NPEPPS: variants seen among roughly 807,000 people sequenced by gnomAD.
NPEPPS encodes puromycin-sensitive aminopeptidase.
Under a neutral mutation model 115.5 loss-of-function variants are expected in NPEPPS, and 14 were observed. That is an observed-to-expected ratio of 0.12 (90% CI 0.08 to 0.19). NPEPPS has a LOEUF of 0.19. Ranked by LOEUF, NPEPPS falls within the 10% of genes least tolerant of loss-of-function variation. The pLI, the probability that NPEPPS is intolerant of heterozygous loss-of-function variation, is 1.00. For synonymous variants in NPEPPS, 285 were observed against 390.6 expected (o/e 0.73, Z 3.19); for missense variants, 523 against 1,110.8 (o/e 0.47, Z 7.52).
intron 13 of NPEPPS, among the ~76,000 whole-genome samples, chr17:47,596,929 T>G (rs1277330780): frequency 6.6e-6 from 1 of 151,838 alleles, no homozygotes; most frequent in Non-Finnish European, 1.5e-5. Context: ...ACACCTGTAA[T>G]CCCAGCTACT....
In NPEPPS at chr17:47,601,643, A is replaced by G. The variant is rs917855351; in HGVS notation, c.1636A>G (p.Ile546Val). Residue 546 changes from isoleucine to valine, a missense_variant, in exon 15 of 23, where the codon ATC (isoleucine) becomes GTC (valine). Physicochemically the swap from Ile to Val is conservative, Grantham distance 29. Transcript: ENST00000322157. ...DCPQWMVPIT[I>V]STSEDPNQAK... ...TCCCCAGTGGATGGTCCCTATCACA[A>G]TCTCTACTAGTGAAGACCCCAACCA... is the stretch of plus-strand genomic sequence containing the variant. 9 of 1,612,534 alleles carry G rather than the reference A, an allele frequency of 5.6e-6. No homozygotes were observed. Among genetic ancestry groups the G allele is most frequent in the African/African-American group, 4.0e-5 (3 of 74,782 alleles).
intron 2 of NPEPPS, among the ~76,000 whole-genome samples, chr17:47,564,312 G>T (rs1238966460): frequency 1.3e-5 from 2 of 152,140 alleles, no homozygotes; most frequent in Non-Finnish European, 2.9e-5. Flanking sequence ...AGGATTGCCA[G>T]TGCTTGAGCC....
chr17:47,558,895 AT>A (rs1910243027), intron 2 of NPEPPS, among the ~76,000 whole-genome samples: 2 of 152,164 alleles, frequency 1.3e-5, no homozygotes, highest in South Asian at 4.2e-4. Flanking sequence ...TTAGCCGGGC[AT>A]GGTGGCGCAT....
intron 1 of NPEPPS, among the ~76,000 whole-genome samples, chr17:47,543,620 C>T (rs1168545045): frequency 1.3e-5 from 2 of 151,754 alleles, no homozygotes; most frequent in Non-Finnish European, 2.9e-5. Flanking sequence ...AGCCACTGTG[C>T]CTGGCCAGGA....
chr17:47,549,496 G>A (rs1490014871), intron 2 of NPEPPS, among the ~76,000 whole-genome samples: 4 of 151,830 alleles, frequency 2.6e-5, no homozygotes, highest in South Asian at 2.1e-4. Context: ...TGAACTGGGG[G>A]CAGCCAGGTG....
Position 47,596,457 on chromosome 17 carries a change from G to A in NPEPPS, c.1531G>A (p.Glu511Lys), listed in dbSNP as rs1421884305. 3.2e-6 allele frequency: 5 copies of A among 1,558,424 alleles called. No homozygotes were observed. Among genetic ancestry groups the A allele is most frequent in the Middle Eastern group, 3.3e-4 (2 of 6,002 alleles). ...ATTTCCCCTCATTTATGTGGAAGCT[G>A]AACAGGTAAACATATAAAGTCTTTC... ...MGFPLIYVEA[E>K]QVEDDRLLRL... is the part of the protein sequence containing the mutation. Residue 511 changes from glutamate to lysine, a missense_variant, in exon 13 of 23, where the codon GAA (glutamate) becomes AAA (lysine). Glu to Lys is a moderately conservative substitution (Grantham distance 56). This residue lies in a region of NPEPPS where 372 missense variants were observed against 542.6 expected (regional missense o/e 0.69). Coordinates refer to ENST00000322157, the MANE Select transcript of NPEPPS (RefSeq NM_006310.4).
Position 47,554,740 on chromosome 17 carries a change from T to G in NPEPPS, c.340+8747T>G, listed in dbSNP as rs534283722. Among the ~76,000 whole-genome samples the G allele has an allele frequency of 2.5e-3, 377 of 152,306 alleles. 3 individuals carry two copies. Among genetic ancestry groups the G allele is most frequent in the African/African-American group, 8.7e-3 (363 of 41,562 alleles). On this transcript the variant is annotated intron_variant, in intron 2 of 22. Coordinates refer to ENST00000322157, the MANE Select transcript of NPEPPS (RefSeq NM_006310.4). ...CTGCTAGCATCACTACTCTTGTGCT[T>G]TGAGGCCATTATTAAGTACAATAAA...
chr17:47,549,427 G>A (rs1350451732), intron 2 of NPEPPS, among the ~76,000 whole-genome samples: 2 of 152,088 alleles, frequency 1.3e-5, no homozygotes, highest in African/African-American at 4.8e-5. Context: ...GAAGTCATGT[G>A]TAAGCCCACG....
At chr17:47,580,983 G>C (rs1334837832) in intron 4 of NPEPPS, 1 of 152,162 alleles carries the variant, frequency 6.6e-6, no homozygotes, top group East Asian at 1.9e-4. Context: ...GGAGACACCA[G>C]TGGTTCCCTA....
At chr17:47,618,939 T>G (rs1914371785) in intron 20 of NPEPPS, 70 bp from the exon 21 acceptor site, 1 of 1,387,068 alleles carries the variant, frequency 7.2e-7, no homozygotes, top group Non-Finnish European at 1.0e-6. Context: ...AGTGTCACAG[T>G]ATGGTGCACT....
chr17:47,549,780 CAAAA>C (rs34434179), intron 2 of NPEPPS, among the ~76,000 whole-genome samples: 1 of 43,376 alleles, frequency 2.3e-5, no homozygotes, highest in African/African-American at 8.7e-5. Flanking sequence ...GACTCTGTCT[CAAAA>C]AAAAAAAAAA....
chr17:47,605,326 A>T lies in NPEPPS; in HGVS notation c.1876-7A>T, dbSNP rs1597883581. ...ACTAGGTTAATTTATGTTTTTTCCTATCCCAGGCTCGAGCTGGAATCATTA... is the reference window on the plus strand; with the variant it reads ...ACTAGGTTAATTTATGTTTTTTCCTTTCCCAGGCTCGAGCTGGAATCATTA... On this transcript the variant is annotated splice_region_variant and splice_polypyrimidine_tract_variant and intron_variant, in intron 16 of 22. Coordinates refer to ENST00000322157, the MANE Select transcript of NPEPPS (RefSeq NM_006310.4). The T allele has an allele frequency of 6.3e-6, 10 of 1,581,624 alleles. No individual in the cohort carries two copies. The highest frequency in any genetic ancestry group is 8.6e-6 in the Non-Finnish European group (10 of 1,166,024).
At chr17:47,533,274 A>G (rs1907956807) in intron 1 of NPEPPS, among the ~76,000 whole-genome samples, 1 of 152,068 alleles carries the variant, frequency 6.6e-6, no homozygotes, top group Non-Finnish European at 1.5e-5. Flanking sequence ...GGTGATTTAA[A>G]ATTTTTCCAT....
upstream of NPEPPS, among the ~76,000 whole-genome samples, chr17:47,528,089 G>A: frequency 6.6e-6 from 1 of 151,472 alleles, no homozygotes; most frequent in East Asian, 2.0e-4. Flanking sequence ...ATCACCTGAG[G>A]TAAGGAGTTT....
chr17:47,616,042 T>G (rs1165261492), intron 19 of NPEPPS, among the ~76,000 whole-genome samples: 2 of 152,174 alleles, frequency 1.3e-5, no homozygotes, highest in Non-Finnish European at 2.9e-5. Context: ...CAGTTCTCTA[T>G]GGAGGAAAAC....
chr17:47,618,520 G>C (rs1914351475), intron 20 of NPEPPS, 63 bp downstream of exon 20: 1 of 1,135,112 alleles, frequency 8.8e-7, no homozygotes, highest in African/African-American at 1.5e-5. Context: ...AAGTGTCTCT[G>C]ATTCAGCTCT....
chr17:47,552,735 T>C (rs1419952866), intron 2 of NPEPPS, among the ~76,000 whole-genome samples: 1 of 152,192 alleles, frequency 6.6e-6, no homozygotes, highest in Non-Finnish European at 1.5e-5. Flanking sequence ...TTATCTTCTT[T>C]TTAACCTCCA....
intron 2 of NPEPPS, among the ~76,000 whole-genome samples, chr17:47,555,441 G>T (rs904131559): frequency 6.6e-6 from 1 of 150,588 alleles, no homozygotes; most frequent in African/African-American, 2.4e-5. Flanking sequence ...TCAGCCTCCC[G>T]GGTTCAAGTG....
At chr17:47,575,115 A>G (rs572139845) in intron 3 of NPEPPS, among the ~76,000 whole-genome samples, 1 of 152,342 alleles carries the variant, frequency 6.6e-6, no homozygotes, top group East Asian at 1.9e-4. Flanking sequence ...GTACATTTAC[A>G]TAATTTGAAA....
Sources: gnomAD v4.1 joint callset for allele counts (sites outside exome capture counted in the v4.1 genomes callset) on GRCh38, gnomAD v4.1.1 for gene constraint, gnomAD v4.1.1 regional missense constraint, MANE v1.5 for transcripts, NCBI Gene and HGNC (gene_info 2026-07-23, HGNC 2026-07-21) for gene names.